Variants in DMD observed in about 807,000 individuals in gnomAD.
DMD encodes the protein dystrophin.
DMD carries 63 observed loss-of-function variants against 330.1 expected under a neutral mutation model. The observed-to-expected ratio is 0.19, with a 90% CI of 0.16 to 0.24. The LOEUF (loss-of-function observed/expected upper bound fraction) is 0.24. Ranked by LOEUF, DMD falls within the 10% of genes least tolerant of loss-of-function variation. The pLI is 1.00. For synonymous variants in DMD, 1,223 were observed against 959.8 expected, an observed-to-expected ratio of 1.27 and a Z score of -5.07; for missense variants, 3,344 against 2,684.1, an observed-to-expected ratio of 1.25 and a Z score of -5.43.
intron 57 of DMD, among the ~76,000 whole-genome samples, chrX:31,493,418 G>A: frequency 1.8e-5 from 2 of 112,537 alleles, no homozygotes; most frequent in Non-Finnish European, 3.7e-5. Context: ...CACAATGTCC[G>A]AGCCAAGATG....
intron 43 of DMD, among the ~76,000 whole-genome samples, chrX:32,257,733 A>T (rs765372226): frequency 4.9e-4 from 55 of 111,700 alleles, no homozygotes; most frequent in African/African-American, 1.7e-3. Flanking sequence ...AACCTAGGCA[A>T]TACCATTCAG....
At chrX:32,374,608 G>C (rs1473574434) in intron 34 of DMD, among the ~76,000 whole-genome samples, 2 of 111,545 alleles carry the variant, frequency 1.8e-5, no homozygotes, top group African/African-American at 3.3e-5. Flanking sequence ...AAAATCAGTT[G>C]GTTGTAGGTG....
chrX:31,300,932 AGTCC>A (rs1351823505), intron 62 of DMD, among the ~76,000 whole-genome samples: 19 of 112,402 alleles, frequency 1.7e-4, no homozygotes, highest in African/African-American at 6.1e-4. Flanking sequence ...ACTTTTCATC[AGTCC>A]ATCAGAGAAA....
In DMD at chrX:33,211,539, C is replaced by T. The variant is rs2051918408; in HGVS notation, c.-227G>A. On this transcript the variant is annotated 5_prime_UTR_variant, in exon 1 of 79. It adds an upstream start codon to the 5' untranslated region. Coordinates refer to ENST00000357033, the MANE Select transcript of DMD (RefSeq NM_004006.3). ...GATCCCAACACTGAGTGAGTCAACA[C>T]AGTAACTGATGCCAGGATTCTGTAG... 2.9e-6 allele frequency: 3 copies of T among 1,049,373 alleles called. No individual in the cohort carries two copies. Among genetic ancestry groups the T allele is most frequent in the Admixed American group, 4.0e-5 (1 of 24,941 alleles). 86.5% of individuals were successfully genotyped at this position (1,049,373 alleles called of 1,213,427 possible).
At chrX:32,680,498 A>G (rs2062327953) in intron 9 of DMD, among the ~76,000 whole-genome samples, 1 of 111,185 alleles carries the variant, frequency 9.0e-6, no homozygotes, top group South Asian at 3.8e-4. Flanking sequence ...GTACACTACT[A>G]AAATTTCCTC....
At chrX:31,292,592 A>G (rs1333141049) in intron 62 of DMD, among the ~76,000 whole-genome samples, 1 of 111,975 alleles carries the variant, frequency 8.9e-6, no homozygotes, top group East Asian at 2.8e-4. Context: ...CAACATAGGC[A>G]ATTTTACTGC....
chrX:32,137,099 G>A (rs1028216453), intron 44 of DMD, among the ~76,000 whole-genome samples: 1 of 111,988 alleles, frequency 8.9e-6, no homozygotes, highest in Non-Finnish European at 1.9e-5. Context: ...AAAAATGTGG[G>A]TTTATTCTAG....
chrX:31,828,163 A>G (rs2092931409), intron 49 of DMD, among the ~76,000 whole-genome samples: 1 of 112,292 alleles, frequency 8.9e-6, no homozygotes. Flanking sequence ...ACCATTAGCA[A>G]GATTAACCAA....
chrX:32,133,775 C>T (rs930712427), intron 44 of DMD, among the ~76,000 whole-genome samples: 1 of 111,288 alleles, frequency 9.0e-6, no homozygotes, highest in Non-Finnish European at 1.9e-5. Context: ...TCACCCTGGT[C>T]TCAGTCAGCA....
At chrX:32,746,222 G>A (rs1379129802) in intron 7 of DMD, among the ~76,000 whole-genome samples, 2 of 111,827 alleles carry the variant, frequency 1.8e-5, no homozygotes, top group Non-Finnish European at 3.8e-5. Context: ...TCCTAACCTG[G>A]GATATGTTAC....
intron 63 of DMD, among the ~76,000 whole-genome samples, chrX:31,246,412 G>A (rs1038474291): frequency 8.9e-6 from 1 of 112,672 alleles, no homozygotes; most frequent in Non-Finnish European, 1.9e-5. Context: ...GGTCATGGAT[G>A]AAGGTGGCTA....
At chrX:32,796,112 T>C (rs1337275010) in intron 7 of DMD, among the ~76,000 whole-genome samples, 1 of 82,480 alleles carries the variant, frequency 1.2e-5, no homozygotes, top group African/African-American at 3.9e-5. Flanking sequence ...CTAATAAGTA[T>C]ATATGTAAAG....
chrX:31,978,980 A>G (rs114311834), intron 44 of DMD, among the ~76,000 whole-genome samples: 1,163 of 112,360 alleles, frequency 0.01, 22 homozygotes, highest in African/African-American at 0.035. Context: ...TTTTCAAGCA[A>G]AAGTTATCTA....
intron 64 of DMD, among the ~76,000 whole-genome samples, chrX:31,214,937 C>CTTTTTTTTTTTTTTTTTTTTT (rs761569710): frequency 3.4e-4 from 13 of 38,103 alleles, no homozygotes; most frequent in African/African-American, 3.5e-4. Context: ...TTTCTTTTTT[C>CTTTTTTTTTTTTTTTTTTTTT]TTTTTTTTTT....
intron 57 of DMD, among the ~76,000 whole-genome samples, chrX:31,495,260 A>T (rs1304276425): frequency 1.8e-5 from 2 of 110,279 alleles, no homozygotes; most frequent in Non-Finnish European, 3.8e-5. Flanking sequence ...TTTCCTCAAG[A>T]TGCCACCTTT....
rs187642765 is a variant in DMD, at chrX:33,226,408, C to T, written c.7+112851G>A. Among the ~76,000 whole-genome samples the T allele has an allele frequency of 2.7e-5, 3 of 111,882 alleles. No homozygotes were observed. In the East Asian group the frequency reaches 8.5e-4, roughly 32 times the overall value. On this transcript the variant is annotated intron_variant, in intron 1 of 17. Coordinates refer to the DMD transcript ENST00000288447. ...AGTACAAAGGAACACATTGTTGATG[C>T]ACATTACAAATCTGGAAGAATCTCC...
At chrX:33,049,980 G>C (rs982883405) in intron 1 of DMD, among the ~76,000 whole-genome samples, 14 of 111,430 alleles carry the variant, frequency 1.3e-4, no homozygotes, top group Non-Finnish European at 2.6e-4. Context: ...ACCTTTTTAA[G>C]TAGAAATTAA....
At chrX:31,371,554 T>G (rs1365170779) in intron 60 of DMD, among the ~76,000 whole-genome samples, 1 of 110,845 alleles carries the variant, frequency 9.0e-6, no homozygotes, top group Non-Finnish European at 1.9e-5. Context: ...TAGTGTCCGG[T>G]GAAAGGCTCG....
chrX:32,470,156 T>A (rs1454300028), intron 22 of DMD, among the ~76,000 whole-genome samples: 2 of 111,332 alleles, frequency 1.8e-5, no homozygotes, highest in Non-Finnish European at 1.9e-5. Context: ...CAATTTAAGT[T>A]ACAATTATTC....
Sources: allele counts gnomAD v4.1 joint callset (sites outside exome capture counted in the v4.1 genomes callset), GRCh38; gene constraint gnomAD v4.1.1; transcripts MANE v1.5; gene names NCBI Gene and HGNC (gene_info 2026-07-23, HGNC 2026-07-21).